RALGAPA2: variants seen among roughly 807,000 people sequenced by gnomAD.
RALGAPA2 encodes Ral GTPase activating protein catalytic subunit alpha 2.
RALGAPA2 carries 139 observed loss-of-function variants against 230.4 expected under a neutral mutation model. The ratio of observed to expected loss-of-function variants is 0.60; its 90% CI spans 0.53 to 0.69. RALGAPA2 has a LOEUF of 0.69. Ranked by LOEUF, RALGAPA2 falls within the 30% of genes least tolerant of loss-of-function variation. The pLI is 0.00. For synonymous variants in RALGAPA2, 847 were observed against 837.8 expected (o/e 1.01, Z -0.19); for missense variants, 2,163 against 2,276.0 (o/e 0.95, Z 1.01).
At chr20:20,531,980 T>C (rs772708479) in intron 26 of RALGAPA2, among the ~76,000 whole-genome samples, 185 bp from the exon 27 acceptor site, 30 of 152,178 alleles carry the variant, frequency 2.0e-4, no homozygotes, top group Non-Finnish European at 4.0e-4. Context: ...TCAGGACAAA[T>C]AGAAATATTG....
At chr20:20,456,987 T>C (rs1159636400) in intron 37 of RALGAPA2, among the ~76,000 whole-genome samples, 1 of 152,220 alleles carries the variant, frequency 6.6e-6, no homozygotes, top group African/African-American at 2.4e-5. Flanking sequence ...AAAATCATGA[T>C]GCTTAATTTT....
At chr20:20,468,179 A>G (rs890470116) in intron 37 of RALGAPA2, among the ~76,000 whole-genome samples, 2 of 152,220 alleles carry the variant, frequency 1.3e-5, no homozygotes, top group African/African-American at 2.4e-5. Flanking sequence ...CTCAGAAGAG[A>G]GATGAGATTG....
At chr20:20,511,182 G>T in intron 33 of RALGAPA2, 72 bp downstream of exon 33, 3 of 1,530,858 alleles carry the variant, frequency 2.0e-6, no homozygotes, top group Non-Finnish European at 2.6e-6. Flanking sequence ...ATTCATTCCT[G>T]CTGTTGTATC....
Position 20,591,268 on chromosome 20 carries a change from A to G in RALGAPA2, c.2250T>C (p.Ser750=), listed in dbSNP as rs973131275. ...QQSENAPAAG[S]GHLTVGQQQQ... ...GCTGCTGTCCCACTGTGAGATGGCC[A>G]GATCCGGCTGCAGGTGCATTTTCTG... The change falls in exon 17 of 40, where the codon TCT becomes TCC. Residue 750 remains serine, a synonymous_variant. Coordinates refer to ENST00000202677, the MANE Select transcript of RALGAPA2 (RefSeq NM_020343.4). The G allele has an allele frequency of 6.2e-6, 10 of 1,613,846 alleles. No homozygotes were observed. In the Admixed American group the frequency reaches 8.3e-5, roughly 13 times the overall value.
intron 35 of RALGAPA2, among the ~76,000 whole-genome samples, chr20:20,503,041 A>C (rs1361411915): frequency 6.6e-6 from 1 of 152,164 alleles, no homozygotes; most frequent in Non-Finnish European, 1.5e-5. Context: ...GATGCTGCCA[A>C]ATCGCCCCGC....
At position 20,616,024 on chromosome 20, in the gene RALGAPA2, T is replaced by G; in HGVS notation, c.1688+19A>C. 1 of 1,425,996 alleles carries G rather than the reference T, an allele frequency of 7.0e-7. No individual in the cohort carries two copies. The highest frequency in any genetic ancestry group is 9.3e-7 in the Non-Finnish European group (1 of 1,073,362). 88.3% of individuals were successfully genotyped at this position (1,425,996 alleles called of 1,614,324 possible). On this transcript the variant is annotated intron_variant, in intron 13 of 39. Transcript: ENST00000202677. ...GAAACATCTGTTTTACAATACTAAT[T>G]AATTTGATATAAACTTACCATGTCT... is the stretch of plus-strand genomic sequence containing the variant.
At chr20:20,662,347 G>A (rs2067810920) in intron 3 of RALGAPA2, among the ~76,000 whole-genome samples, 2 of 151,498 alleles carry the variant, frequency 1.3e-5, no homozygotes, top group South Asian at 2.1e-4. Flanking sequence ...TTTAACACTC[G>A]AGTTAAAAAA....
At chr20:20,578,054 T>A (rs188663153) in intron 20 of RALGAPA2, among the ~76,000 whole-genome samples, 6 of 152,232 alleles carry the variant, frequency 3.9e-5, no homozygotes, top group Admixed American at 3.3e-4. Context: ...TGCTTTACAC[T>A]CAGAAAAATT....
rs752926014 is a variant in RALGAPA2 at position 20,619,294 on chromosome 20, C to T, written c.1522G>A (p.Val508Ile). The T allele has an allele frequency of 1.2e-5, 20 of 1,607,556 alleles. No individual in the cohort carries two copies. The East Asian group carries it at 1.6e-4, about 13-fold the overall frequency. ...EEENTNVKAG[V>I]QALLQVFLTN... ...CCACATACCTGCAACAAAGCCTGGA[C>T]GCCGGCTTTCACATTTGTATTTTCC... is the stretch of plus-strand genomic sequence containing the variant. Residue 508 changes from valine (V) to isoleucine (I), a missense_variant, in exon 12 of 40, where the codon GTC becomes ATC. Physicochemically the swap from Val to Ile is conservative, Grantham distance 29. Transcript: ENST00000202677.
intron 1 of RALGAPA2, among the ~76,000 whole-genome samples, chr20:20,688,917 T>C (rs1048411844): frequency 5.9e-5 from 9 of 152,180 alleles, no homozygotes; most frequent in East Asian, 1.9e-4. Flanking sequence ...TAGATACAGA[T>C]GATAAATTAC....
chr20:20,678,538 A>G (rs2068414028), intron 2 of RALGAPA2, among the ~76,000 whole-genome samples: 2 of 152,124 alleles, frequency 1.3e-5, no homozygotes, highest in South Asian at 4.2e-4. Flanking sequence ...TCCTCCTTAC[A>G]TAGAAAGGTC....
At chr20:20,649,507 A>G (rs1327920920) in intron 4 of RALGAPA2, among the ~76,000 whole-genome samples, 6 of 152,222 alleles carry the variant, frequency 3.9e-5, no homozygotes, top group African/African-American at 9.6e-5. Context: ...ACCTAGGTGA[A>G]CAAACTAGAT....
At chr20:20,528,940 C>T (rs2145536646) in intron 27 of RALGAPA2, among the ~76,000 whole-genome samples, 1 of 152,310 alleles carries the variant, frequency 6.6e-6, no homozygotes, top group East Asian at 1.9e-4. Flanking sequence ...GCCCCAAAGC[C>T]TCCTAGAGTC....
chr20:20,568,480 A>T (rs1436336161), intron 23 of RALGAPA2, among the ~76,000 whole-genome samples: 2 of 152,252 alleles, frequency 1.3e-5, no homozygotes, highest in African/African-American at 4.8e-5. Context: ...CTGTTTACAT[A>T]ATAAATTTGC....
rs79021211 is a variant in RALGAPA2 at position 20,448,436 on chromosome 20, T to C, written c.5495+24393A>G. Among the ~76,000 whole-genome samples the C allele has an allele frequency of 1.4e-3, 219 of 152,334 alleles. 4 individuals are homozygous for C. In the East Asian group the frequency reaches 0.02, roughly 14 times the overall value. ...GTGGCTAGTTTTATGCTATCTGCCATATAATATCAAATTTATCAGGTCTTT... is the reference window on the plus strand; with the variant it reads ...GTGGCTAGTTTTATGCTATCTGCCACATAATATCAAATTTATCAGGTCTTT... On this transcript the variant is annotated intron_variant, in intron 37 of 39. Transcript: ENST00000202677.
intron 16 of RALGAPA2, among the ~76,000 whole-genome samples, chr20:20,597,543 T>C (rs1429705810): frequency 6.6e-6 from 1 of 152,246 alleles, no homozygotes; most frequent in East Asian, 1.9e-4. Context: ...CATAGTTTAG[T>C]ACTACAGAAA....
intron 35 of RALGAPA2, among the ~76,000 whole-genome samples, chr20:20,500,435 T>C (rs188782338): frequency 2.0e-5 from 3 of 152,348 alleles, no homozygotes; most frequent in South Asian, 2.1e-4. Flanking sequence ...TGAGAACAGA[T>C]TCCTTCTCAA....
intron 3 of RALGAPA2, among the ~76,000 whole-genome samples, chr20:20,660,522 GT>G (rs201021064): frequency 0.018 from 2,590 of 144,376 alleles, 89 homozygotes; most frequent in East Asian, 0.15. Context: ...GTACAGGCCT[GT>G]TTTTTTTTTT....
At chr20:20,577,605 G>T (rs2064859679) in intron 20 of RALGAPA2, among the ~76,000 whole-genome samples, 1 of 152,090 alleles carries the variant, frequency 6.6e-6, no homozygotes, top group Non-Finnish European at 1.5e-5. Flanking sequence ...TAAAACCTCG[G>T]AAGAAAGACT....
Sources: gnomAD v4.1 joint callset for allele counts (sites outside exome capture counted in the v4.1 genomes callset) on GRCh38, gnomAD v4.1.1 for gene constraint, MANE v1.5 for transcripts, NCBI Gene and HGNC (gene_info 2026-07-23, HGNC 2026-07-21) for gene names.